The following PTPRQ variants were observed in gnomAD, a reference collection of about 807,000 sequenced individuals.
The protein encoded by PTPRQ is phosphatidylinositol phosphatase PTPRQ.
In PTPRQ, 199 loss-of-function variants were observed where a neutral mutation model predicts 246.0. The ratio of observed to expected loss-of-function variants is 0.81; its 90% CI spans 0.72 to 0.91. The LOEUF is 0.91. Ranked by LOEUF, PTPRQ falls within the 40% of genes least tolerant of loss-of-function variation. PTPRQ has a pLI of 0.00. For missense variants in PTPRQ, 2,624 were observed against 2,528.4 expected (o/e 1.04, Z -0.81); for synonymous variants, 869 against 853.2 (o/e 1.02, Z -0.32).
At chr12:80,592,800 A>G (rs1897844259) in intron 26 of PTPRQ, among the ~76,000 whole-genome samples, 1 of 152,170 alleles carries the variant, frequency 6.6e-6, no homozygotes, top group Non-Finnish European at 1.5e-5. Context: ...ATTTGAGGTC[A>G]GGAATTTGAA....
chr12:80,477,674 C>A (rs527716620), intron 8 of PTPRQ, among the ~76,000 whole-genome samples: 2 of 151,880 alleles, frequency 1.3e-5, no homozygotes, highest in Non-Finnish European at 2.9e-5. Context: ...GTGTGCGCAC[C>A]GTGTGCGAGC....
At chr12:80,567,931 C>T (rs548903119) in intron 25 of PTPRQ, among the ~76,000 whole-genome samples, 3 of 152,038 alleles carry the variant, frequency 2.0e-5, no homozygotes, top group Non-Finnish European at 2.9e-5. Flanking sequence ...ATTAGCCCTG[C>T]GAGGTGACAT....
rs1194143607 is a variant in PTPRQ, at chr12:80,496,062, C to T, written c.1946C>T (p.Ser649Phe). 5.8e-6 allele frequency: 9 copies of T among 1,550,100 alleles called. No individual in the cohort carries two copies. The East Asian group carries it at 2.0e-4, about 34-fold the overall frequency. Residue 649 changes from serine to phenylalanine, a missense_variant, in exon 13 of 45, where the codon TCT becomes TTT. By Grantham distance (155) the Ser-to-Phe change is radical (BLOSUM62 -2). Coordinates refer to ENST00000644991, the MANE Select transcript of PTPRQ (RefSeq NM_001145026.2). Reference protein sequence around the residue: ...VAASTHVGESSLSEENDIFVR... With the variant: ...VAASTHVGESFLSEENDIFVR... ...GCCTCAACCCACGTTGGAGAAAGTT[C>T]TTTGTCTGAAGAAAATGACATCTTT...
At chr12:80,665,853 C>T (rs986526710) in intron 39 of PTPRQ, among the ~76,000 whole-genome samples, 1 of 152,106 alleles carries the variant, frequency 6.6e-6, no homozygotes, top group East Asian at 1.9e-4. Context: ...TGCTCAACAT[C>T]ACTAATCATC....
chr12:80,470,278 C>T (rs1427534116), intron 7 of PTPRQ, among the ~76,000 whole-genome samples: 1 of 151,988 alleles, frequency 6.6e-6, no homozygotes, highest in Non-Finnish European at 1.5e-5. Context: ...GATAATTTGT[C>T]CATAAGTTGT....
At chr12:80,555,521 A>G (rs1314278399) in intron 25 of PTPRQ, among the ~76,000 whole-genome samples, 1 of 152,204 alleles carries the variant, frequency 6.6e-6, no homozygotes, top group Non-Finnish European at 1.5e-5. Context: ...TCCTACTTAC[A>G]TAGCTTTCCT....
At chr12:80,460,220 C>G (rs1360985533) in intron 5 of PTPRQ, among the ~76,000 whole-genome samples, 1 of 152,128 alleles carries the variant, frequency 6.6e-6, no homozygotes, top group Non-Finnish European at 1.5e-5. Flanking sequence ...AATACACGCA[C>G]ACACCTAACG....
In PTPRQ at chr12:80,444,832, T is replaced by A; in HGVS notation, c.146T>A (p.Val49Glu). Residue 49 changes from valine (V) to glutamate (E), a missense_variant, in exon 2 of 45, where the codon GTG (valine) becomes GAG (glutamate). By Grantham distance (121) the Val-to-Glu change is moderately radical. Transcript: ENST00000644991. ...TACACCTCACCTGTTACTAGAATAGTGACAACAAATGTAACAAGTGAGTAT... is the reference window on the plus strand; with the variant it reads ...TACACCTCACCTGTTACTAGAATAGAGACAACAAATGTAACAAGTGAGTAT... ...TTYTSPVTRIVTTNVTKPGPP... is the reference protein window; with the variant it reads ...TTYTSPVTRIETTNVTKPGPP... 6.6e-7 allele frequency: 1 copy of A among 1,522,772 alleles called. No individual in the cohort carries two copies. The highest frequency in any genetic ancestry group is 8.9e-7 in the Non-Finnish European group (1 of 1,127,204). 94.3% of individuals were successfully genotyped at this position (1,522,772 alleles called of 1,614,324 possible). A position where few individuals can be genotyped will look rare whatever the true frequency, so the allele number is the denominator to read the frequency against.
In PTPRQ at chr12:80,612,418, A is replaced by G. The variant is rs12311165; in HGVS notation, c.4919-1174A>G. Among the ~76,000 whole-genome samples the G allele has an allele frequency of 7.2e-3, 1,080 of 150,566 alleles. 19 individuals carry two copies. Among genetic ancestry groups the G allele is most frequent in the African/African-American group, 0.024 (995 of 41,356 alleles). ...AAACAAACAAACAAAAAATGACAAC[A>G]TAAGTTTTCAATACCATTAGCCATT... On this transcript the variant is annotated intron_variant, in intron 28 of 44. Coordinates refer to ENST00000644991, the MANE Select transcript of PTPRQ (RefSeq NM_001145026.2).
At chr12:80,559,353 C>G (rs1184366698) in intron 25 of PTPRQ, among the ~76,000 whole-genome samples, 1 of 152,074 alleles carries the variant, frequency 6.6e-6, no homozygotes, top group Non-Finnish European at 1.5e-5. Flanking sequence ...CTGTAGTGTG[C>G]CTTTTCATCC....
At position 80,506,511 on chromosome 12, in the gene PTPRQ, T is replaced by C. The variant is rs1943756625; in HGVS notation, c.2456-58T>C. 3 of 1,326,304 alleles carry C rather than the reference T, an allele frequency of 2.3e-6. No individual in the cohort carries two copies. In the East Asian group the frequency reaches 7.6e-5, roughly 34 times the overall value. 82.2% of individuals were successfully genotyped at this position (1,326,304 alleles called of 1,614,324 possible). On this transcript the variant is annotated intron_variant, in intron 15 of 44. Coordinates refer to ENST00000644991, the MANE Select transcript of PTPRQ (RefSeq NM_001145026.2). ...GACAGCCATTTCATAGTTTGCCTCT[T>C]GCATATTATTAAATGATATTTTGTA...
chr12:80,657,286 T>C (rs1693041690), intron 38 of PTPRQ, among the ~76,000 whole-genome samples: 2 of 151,774 alleles, frequency 1.3e-5, no homozygotes, highest in Non-Finnish European at 3.0e-5. Flanking sequence ...TCAAAATAAA[T>C]ATTATGAGAC....
chr12:80,622,027 G>A (rs1324228353), intron 32 of PTPRQ, 34 bp from the exon 33 acceptor site: 6 of 1,248,860 alleles, frequency 4.8e-6, no homozygotes, highest in African/African-American at 3.2e-5. Context: ...CACATGATAT[G>A]CAAAGTGTTG....
intron 5 of PTPRQ, among the ~76,000 whole-genome samples, chr12:80,459,859 T>C (rs1045497250): frequency 6.6e-6 from 1 of 152,124 alleles, no homozygotes; most frequent in Admixed American, 6.5e-5. Context: ...TGGAAAAGTG[T>C]AAGATATAAT....
At chr12:80,615,765 T>C (rs560434445) in intron 29 of PTPRQ, among the ~76,000 whole-genome samples, 2 of 150,904 alleles carry the variant, frequency 1.3e-5, no homozygotes, top group South Asian at 4.2e-4. Flanking sequence ...AAGGCCAGAG[T>C]TACCTAGCTA....
chr12:80,661,108 A>T (rs1256870103), intron 39 of PTPRQ, among the ~76,000 whole-genome samples: 1 of 151,824 alleles, frequency 6.6e-6, no homozygotes, highest in African/African-American at 2.4e-5. Context: ...ACAAACACAC[A>T]TGCATGTTTA....
At chr12:80,552,317 A>G (rs1216016502) in intron 25 of PTPRQ, among the ~76,000 whole-genome samples, 1 of 152,012 alleles carries the variant, frequency 6.6e-6, no homozygotes, top group Admixed American at 6.6e-5. Context: ...GGTCTGCATC[A>G]GGGTGGTCTA....
Position 80,673,288 on chromosome 12 carries a change from G to C in PTPRQ, c.6722G>C (p.Cys2241Ser). 6.5e-7 allele frequency: 1 copy of C among 1,550,108 alleles called. No individual in the cohort carries two copies. The highest frequency in any genetic ancestry group is 8.7e-7 in the Non-Finnish European group (1 of 1,146,068). The stretch of plus-strand genomic sequence containing the variant: ...GCTGAACTGAGAAGTGAAAGAATGT[G>C]CATGGTGCAGAATCTGGTAAGATCT... ...LVAELRSERM[C>S]MVQNLAQYIF... The change falls in exon 43 of 45, where the codon TGC becomes TCC. Residue 2241 changes from cysteine to serine, a missense_variant. Transcript: ENST00000644991.
chr12:80,630,440 G>A (rs1429916710), intron 33 of PTPRQ, among the ~76,000 whole-genome samples: 3 of 151,892 alleles, frequency 2.0e-5, no homozygotes, highest in African/African-American at 7.3e-5. Context: ...TACTTTATAG[G>A]TCTTGCTCAC....
Sources: gnomAD v4.1 joint callset for allele counts (sites outside exome capture counted in the v4.1 genomes callset) on GRCh38, gnomAD v4.1.1 for gene constraint, MANE v1.5 for transcripts, NCBI Gene and HGNC (gene_info 2026-07-23, HGNC 2026-07-21) for gene names.